The following TRAPPC9 variants were observed in gnomAD, a reference collection of about 807,000 sequenced individuals.
The protein encoded by TRAPPC9 is trafficking protein particle complex subunit 9, also known as IKK2 binding protein.
A neutral mutation model predicts 124.0 loss-of-function variants in TRAPPC9; 83 were observed. The ratio of observed to expected loss-of-function variants is 0.67; its 90% confidence interval spans 0.56 to 0.80. TRAPPC9 has a LOEUF of 0.80. TRAPPC9 is among the 30% of genes least tolerant of loss of function. The pLI is 0.00. For synonymous variants in TRAPPC9, 638 were observed against 617.5 expected, an observed-to-expected ratio of 1.03 and a Z score of -0.49; for missense variants, 1,302 against 1,508.3, an observed-to-expected ratio of 0.86 and a Z score of 2.27.
At chr8:139,889,606 C>A (rs1441144956) in intron 20 of TRAPPC9, among the ~76,000 whole-genome samples, 4 of 152,192 alleles carry the variant, frequency 2.6e-5, no homozygotes, top group Non-Finnish European at 2.9e-5. Context: ...TTTCACACTC[C>A]TGAGCTGGAC....
chr8:139,755,192 T>C (rs1819620085), intron 21 of TRAPPC9, among the ~76,000 whole-genome samples: 1 of 152,230 alleles, frequency 6.6e-6, no homozygotes, highest in Non-Finnish European at 1.5e-5. Flanking sequence ...GGTCCTCGGA[T>C]AACTTGTGCT....
At chr8:140,247,561 G>GT (rs1219163877) in intron 16 of TRAPPC9, among the ~76,000 whole-genome samples, 115 of 146,254 alleles carry the variant, frequency 7.9e-4, no homozygotes, top group East Asian at 7.4e-3. Flanking sequence ...AGTTTCAAGG[G>GT]TTTTTTTTTT....
chr8:140,083,258 A>G (rs1843959895), intron 17 of TRAPPC9, among the ~76,000 whole-genome samples: 2 of 152,198 alleles, frequency 1.3e-5, no homozygotes, highest in Admixed American at 1.3e-4. Context: ...TAATAATATG[A>G]CCAGGAAAAC....
intron 11 of TRAPPC9, among the ~76,000 whole-genome samples, chr8:140,293,622 A>G (rs1440319364): frequency 6.6e-6 from 1 of 152,030 alleles, no homozygotes; most frequent in East Asian, 1.9e-4. Flanking sequence ...AAAACAAAAA[A>G]CCAAACACTG....
rs1292713811 is a variant in TRAPPC9 at position 140,182,099 on chromosome 8, TG to T, written c.2556+39359del. The stretch of plus-strand genomic sequence containing the variant: ...TTACATCAGCATACAAGCCTAGTGC[TG>T]GTTGGCAAAGTTTATCACAAGGAGG... On this transcript the variant is annotated intron_variant, in intron 17 of 22. Transcript: ENST00000438773. The surrounding 1 kb of genome is among the most constrained non-coding windows in gnomAD (Gnocchi z 4.0). 6.6e-6 allele frequency among the ~76,000 whole-genome samples: 1 copy of T among 152,162 alleles called. No homozygotes were observed. The highest frequency in any genetic ancestry group is 1.5e-5 in the Non-Finnish European group (1 of 68,034).
intron 19 of TRAPPC9, among the ~76,000 whole-genome samples, chr8:139,964,137 T>A (rs979732154): frequency 6.9e-6 from 1 of 144,358 alleles, no homozygotes; most frequent in African/African-American, 2.6e-5. Flanking sequence ...GGCAGGAGAA[T>A]GGCATGAACC....
At chr8:139,894,774 G>A (rs777146419) in intron 20 of TRAPPC9, among the ~76,000 whole-genome samples, 14 of 152,196 alleles carry the variant, frequency 9.2e-5, no homozygotes, top group East Asian at 1.9e-4. Context: ...TGGTTTCGGC[G>A]TTCAGCTGTC....
At chr8:140,190,848 C>G (rs1364805276) in intron 17 of TRAPPC9, among the ~76,000 whole-genome samples, 1 of 152,132 alleles carries the variant, frequency 6.6e-6, no homozygotes, top group African/African-American at 2.4e-5. Flanking sequence ...TATATAAGAA[C>G]AGAGACGAAT....
intron 17 of TRAPPC9, among the ~76,000 whole-genome samples, chr8:140,131,024 A>G (rs993918933): frequency 1.3e-5 from 2 of 152,200 alleles, no homozygotes; most frequent in African/African-American, 4.8e-5. Flanking sequence ...TAATAAGCTG[A>G]AATTATACTG....
intron 21 of TRAPPC9, among the ~76,000 whole-genome samples, chr8:139,743,860 C>T (rs921037535): frequency 1.3e-5 from 2 of 152,206 alleles, no homozygotes; most frequent in Non-Finnish European, 1.5e-5. Flanking sequence ...TCAATGCCCC[C>T]CAGTCCAGCA....
At chr8:139,798,922 T>C (rs1268329373) in intron 21 of TRAPPC9, among the ~76,000 whole-genome samples, 1 of 152,166 alleles carries the variant, frequency 6.6e-6, no homozygotes. Context: ...GAGATTCTGT[T>C]CCCTGTTTTC....
chr8:139,772,057 C>T (rs997798869), intron 21 of TRAPPC9, among the ~76,000 whole-genome samples: 8 of 152,222 alleles, frequency 5.3e-5, no homozygotes, highest in Non-Finnish European at 1.2e-4. Context: ...GCACTGGCTA[C>T]CACATGCTGC....
In TRAPPC9 at chr8:139,895,077, G is replaced by A. The variant is rs1352572616; in HGVS notation, c.2965-9108C>T. ...TCAACCACACGTCCCGGGCTACTCGGGGACAGAACGGCCACCCCCGGAGCC... is the reference window on the plus strand; with the variant it reads ...TCAACCACACGTCCCGGGCTACTCGAGGACAGAACGGCCACCCCCGGAGCC... On this transcript the variant is annotated intron_variant, in intron 20 of 22. Coordinates refer to ENST00000438773, the MANE Select transcript of TRAPPC9 (RefSeq NM_001160372.4). Among the ~76,000 whole-genome samples the A allele has an allele frequency of 2.0e-5, 3 of 152,088 alleles. No individual in the cohort carries two copies. The East Asian group carries it at 5.8e-4, about 29-fold the overall frequency.
intron 9 of TRAPPC9, among the ~76,000 whole-genome samples, chr8:140,318,620 T>C (rs145564038): frequency 6.6e-6 from 1 of 152,370 alleles, no homozygotes; most frequent in African/African-American, 2.4e-5. Context: ...AGTGAGAACA[T>C]ACAGTATTTG....
intron 8 of TRAPPC9, among the ~76,000 whole-genome samples, chr8:140,365,997 C>T (rs867436835): frequency 6.6e-6 from 1 of 152,114 alleles, no homozygotes; most frequent in Non-Finnish European, 1.5e-5. Context: ...AATTTAGCTC[C>T]CACTTATAAG....
intron 17 of TRAPPC9, among the ~76,000 whole-genome samples, chr8:140,211,116 G>A (rs942259278): frequency 6.6e-6 from 1 of 151,952 alleles, no homozygotes; most frequent in Non-Finnish European, 1.5e-5. Flanking sequence ...AAGTTAGCTG[G>A]GTGTGGTGGC....
intron 17 of TRAPPC9, among the ~76,000 whole-genome samples, chr8:140,057,374 G>A (rs1842349553): frequency 6.6e-6 from 1 of 152,204 alleles, no homozygotes; most frequent in Non-Finnish European, 1.5e-5. Context: ...ATCTCAGAGA[G>A]ATATGTACAC....
intron 21 of TRAPPC9, among the ~76,000 whole-genome samples, chr8:139,801,610 G>C (rs140910219): frequency 2.6e-5 from 4 of 152,206 alleles, no homozygotes; most frequent in East Asian, 3.8e-4. Context: ...ATGCGAAAGT[G>C]GGGGGTGGGG....
chr8:140,289,295 G>A (rs1009451839), intron 12 of TRAPPC9, among the ~76,000 whole-genome samples: 6 of 151,856 alleles, frequency 4.0e-5, no homozygotes, highest in African/African-American at 9.7e-5. Context: ...CCACTCTCTC[G>A]GCAGTGAGTA....
Sources: gnomAD v4.1 joint callset for allele counts (sites outside exome capture counted in the v4.1 genomes callset) on GRCh38, gnomAD v4.1.1 for gene constraint, Gnocchi (gnomAD v3.1) non-coding constraint, MANE v1.5 for transcripts, NCBI Gene and HGNC (gene_info 2026-07-23, HGNC 2026-07-21) for gene names.